MIER2: variants seen among roughly 807,000 people sequenced by gnomAD.
The protein encoded by MIER2 is MIER family member 2.
In MIER2, 30 loss-of-function variants were observed where a neutral mutation model predicts 67.6. That is an observed-to-expected ratio of 0.44 (90% CI 0.33 to 0.60). The LOEUF (loss-of-function observed/expected upper bound fraction) is 0.60. Among genes scored for constraint, MIER2 ranks in the 20% least tolerant of loss-of-function variants. The probability of loss-of-function intolerance (pLI) is 0.02; values close to 1 mark genes in which losing one functional copy is unlikely to be tolerated. For missense variants in MIER2, 702 were observed against 745.1 expected, an observed-to-expected ratio of 0.94 and a Z score of 0.67; for synonymous variants, 372 against 312.6, an observed-to-expected ratio of 1.19 and a Z score of -2.00.
At chr19:319,136 T>TGG (rs1357823162) in intron 7 of MIER2, among the ~76,000 whole-genome samples, 1 of 148,930 alleles carries the variant, frequency 6.7e-6, no homozygotes, top group Admixed American at 6.7e-5. Context: ...CCAAGGTGGG[T>TGG]GGATCACCTG....
intron 3 of MIER2, among the ~76,000 whole-genome samples, chr19:333,782 G>A (rs1207697734): frequency 4.1e-5 from 6 of 145,136 alleles, no homozygotes; most frequent in South Asian, 2.3e-4. Context: ...TCCGTCTCCC[G>A]GGTTCACGTC....
intron 7 of MIER2, among the ~76,000 whole-genome samples, chr19:320,550 G>A (rs1053473543): frequency 8.5e-5 from 13 of 152,162 alleles, no homozygotes; most frequent in Admixed American, 1.3e-4. Flanking sequence ...GGAGGTGAGC[G>A]GCAGGAGAGC....
At chr19:337,263 C>G (rs528006433) in intron 1 of MIER2, among the ~76,000 whole-genome samples, 1 of 152,034 alleles carries the variant, frequency 6.6e-6, no homozygotes, top group Non-Finnish European at 1.5e-5. Context: ...GATGCAAGGT[C>G]GATTTAATAT....
intron 7 of MIER2, among the ~76,000 whole-genome samples, chr19:317,546 A>ATAAATAAATAAG (rs1161434531): frequency 2.7e-5 from 4 of 150,070 alleles, no homozygotes; most frequent in African/African-American, 9.8e-5. Flanking sequence ...AAATAAATAA[A>ATAAATAAATAAG]TAAATAAATA....
chr19:344,682 G>A, intron 1 of MIER2, 92 bp downstream of exon 1: 4 of 870,556 alleles, frequency 4.6e-6, no homozygotes, highest in Non-Finnish European at 5.7e-6. Context: ...GGGGCTCTCC[G>A]TCCCTGGGGC....
intron 1 of MIER2, chr19:344,138 C>A (rs1406063775): frequency 2.0e-6 from 2 of 985,348 alleles, no homozygotes; most frequent in Non-Finnish European, 2.4e-6. Context: ...CCGGGAGAGG[C>A]TGGTCCAACT....
intron 7 of MIER2, among the ~76,000 whole-genome samples, chr19:322,703 C>T (rs1275549429): frequency 6.6e-6 from 1 of 152,032 alleles, no homozygotes; most frequent in Non-Finnish European, 1.5e-5. Context: ...TGGAGCAACT[C>T]CCACAAATCA....
rs1568216549 is a variant in MIER2, at chr19:310,598, C to CGGCCCGG, written c.984+1246_984+1247insCCGGGCC. Among the ~76,000 whole-genome samples the CGGCCCGG allele has an allele frequency of 3.2e-4, 11 of 34,210 alleles. No homozygotes were observed. The African/African-American group carries it at 5.7e-3, about 18-fold the overall frequency. 22.4% of individuals were successfully genotyped at this position (34,210 alleles called of 152,430 possible). On this transcript the variant is annotated intron_variant, in intron 10 of 13. Transcript: ENST00000264819. ...AACACGGCCGGGAGCTGCAGAAACA[C>CGGCCCGG]AGCCGGGAGCTATAGAAACACAGCC...
At position 308,801 on chromosome 19, in the gene MIER2, G is replaced by T. The variant is rs561981790; in HGVS notation, c.1109C>A (p.Thr370Lys). Residue 370 changes from threonine (T) to lysine (K), a missense_variant and splice_region_variant, in exon 11 of 14, where the codon ACG becomes AAG. By Grantham distance (78) the Thr-to-Lys change is moderately conservative. Coordinates refer to ENST00000264819, the MANE Select transcript of MIER2 (RefSeq NM_017550.3). This position sits in a 1 kb window ranked among gnomAD's most constrained non-coding sequence, Gnocchi z 9.1. ...GRRKYVPSGT[T>K]DADQDLDGSD... is the part of the protein sequence containing the mutation. ...TACTGCTGGGGAGGGCTGCACGCAC[G>T]TGGTTCCGGACGGGACGTACTTCCT... The T allele has an allele frequency of 1.4e-5, 22 of 1,601,500 alleles. No homozygotes were observed. The highest frequency in any genetic ancestry group is 2.3e-5 in the East Asian group (1 of 44,436).
rs1970614675 is a variant in MIER2, at chr19:305,598, A to T, written c.*1092T>A. The T allele has an allele frequency of 1.3e-5, 2 of 152,428 alleles. No homozygotes were observed. Among genetic ancestry groups the T allele is most frequent in the Admixed American group, 6.5e-5 (1 of 15,288 alleles). 9.4% of individuals were successfully genotyped at this position (152,428 alleles called of 1,614,324 possible). On this transcript the variant is annotated 3_prime_UTR_variant, in exon 14 of 14. Transcript: ENST00000264819. The stretch of plus-strand genomic sequence containing the variant: ...CCGGGCTTCAAATCAAGTTTAATAA[A>T]TAAAACAGCAAAGGGGGGTTCAAGG...
chr19:320,675 T>TATGAGA (rs1327816734), intron 7 of MIER2, among the ~76,000 whole-genome samples: 2 of 152,130 alleles, frequency 1.3e-5, no homozygotes, highest in African/African-American at 4.8e-5. Flanking sequence ...GCACACTCCT[T>TATGAGA]ATGAGAATCT....
intron 8 of MIER2, 96 bp downstream of exon 8, chr19:313,396 T>G: frequency 6.5e-7 from 1 of 1,528,648 alleles, no homozygotes; most frequent in South Asian, 1.2e-5. Context: ...TGCCCTCCCC[T>G]CTGCCCTCCC....
At chr19:343,977 G>A (rs1167491491) in intron 1 of MIER2, 1 of 985,448 alleles carries the variant, frequency 1.0e-6, no homozygotes, top group Non-Finnish European at 1.2e-6. Flanking sequence ...TCCTAGGTGG[G>A]TTTGATCAAA....
At chr19:339,287 G>C (rs1220588836) in intron 1 of MIER2, among the ~76,000 whole-genome samples, 2 of 152,062 alleles carry the variant, frequency 1.3e-5, no homozygotes, top group Non-Finnish European at 2.9e-5. Context: ...TGAAAAATAG[G>C]CAAAGGATCT....
At chr19:342,522 G>A (rs1376316163) in intron 1 of MIER2, among the ~76,000 whole-genome samples, 3 of 151,498 alleles carry the variant, frequency 2.0e-5, no homozygotes, top group African/African-American at 7.3e-5. Flanking sequence ...GCAAGGAGGA[G>A]CATTTTATCC....
At position 308,561 on chromosome 19, in the gene MIER2, A is replaced by G; in HGVS notation, c.1198+16T>C. On this transcript the variant is annotated intron_variant, in intron 12 of 13. Coordinates refer to ENST00000264819, the MANE Select transcript of MIER2 (RefSeq NM_017550.3). This position sits in a 1 kb window ranked among gnomAD's most constrained non-coding sequence, Gnocchi z 9.1. ...CGTGGCCGCCCCCAGGGCAGGAGAT[A>G]CTCCCCAAGCCTCACCTGTGCGCAT... 1.3e-6 allele frequency: 2 copies of G among 1,581,640 alleles called. No homozygotes were observed.
chr19:312,206 C>T lies in MIER2; in HGVS notation c.874G>A (p.Val292Met), dbSNP rs1246086286. Residue 292 changes from valine to methionine, a missense_variant, in exon 9 of 14, where the codon GTG (valine) becomes ATG (methionine). Val to Met is a conservative substitution (Grantham distance 21). Around this residue, in one of 3 missense-constraint regions of MIER2, gnomAD observed 128 missense variants for 189.7 expected, o/e 0.67. Transcript: ENST00000264819. ...EEALRRLRFN[V>M]KVIRDGLCAW... ...CGCTGCTCACCTCGGATCACCTTCA[C>T]GTTGAACCGCAGCCTTCGCAGGGCC... The T allele has an allele frequency of 3.7e-6, 6 of 1,613,792 alleles. No individual in the cohort carries two copies. The highest frequency in any genetic ancestry group is 3.3e-5 in the South Asian group (3 of 91,082).
intron 1 of MIER2, chr19:343,908 A>C: frequency 1.0e-6 from 1 of 985,418 alleles, no homozygotes; most frequent in Non-Finnish European, 1.2e-6. Flanking sequence ...CAAAAGCGAA[A>C]GTTTCTTCCT....
At chr19:336,255 C>A in intron 1 of MIER2, 82 bp from the exon 2 acceptor site, 1 of 1,180,016 alleles carries the variant, frequency 8.5e-7, no homozygotes, top group Non-Finnish European at 1.2e-6. Context: ...CAAGAGCAAG[C>A]GCTGGTCAGA....
Sources: allele counts gnomAD v4.1 joint callset (sites outside exome capture counted in the v4.1 genomes callset), GRCh38; gene constraint gnomAD v4.1.1; regional missense constraint gnomAD v4.1.1; non-coding constraint Gnocchi (gnomAD v3.1); transcripts MANE v1.5; gene names NCBI Gene and HGNC (gene_info 2026-07-23, HGNC 2026-07-21).